The following GLI3 variants were observed in gnomAD, a reference collection of about 807,000 sequenced individuals.
GLI3 encodes the protein GLI family zinc finger 3.
A neutral mutation model predicts 100.8 loss-of-function variants in GLI3; 20 were observed. That is an observed-to-expected ratio of 0.20 (90% CI 0.14 to 0.29). The LOEUF (loss-of-function observed/expected upper bound fraction) is 0.29, where lower values mean the gene tolerates loss of function less well. GLI3 is among the 10% of genes least tolerant of loss of function. The probability of loss-of-function intolerance (pLI) is 1.00; values close to 1 mark genes in which losing one functional copy is unlikely to be tolerated. For missense variants in GLI3, 2,040 were observed against 2,128.5 expected (o/e 0.96, Z 0.82); for synonymous variants, 938 against 860.5 (o/e 1.09, Z -1.58).
At chr7:42,152,029 T>G in intron 2 of GLI3, 1 of 152,232 alleles carries the variant, frequency 6.6e-6, no homozygotes, top group Non-Finnish European at 1.5e-5. Flanking sequence ...CAGACAGACA[T>G]CTATCCGATT....
Position 41,967,617 on chromosome 7 carries a change from C to T in GLI3, c.2410G>A (p.Val804Ile). 6.2e-7 allele frequency: 1 copy of T among 1,613,356 alleles called. No individual in the cohort carries two copies. Among genetic ancestry groups the T allele is most frequent in the Non-Finnish European group, 8.5e-7 (1 of 1,179,562 alleles). The change falls in exon 14 of 15, where the codon GTC (valine) becomes ATC (isoleucine). Residue 804 changes from valine to isoleucine, a missense_variant. Val to Ile is a conservative substitution (Grantham distance 29, BLOSUM62 3). This residue lies in a region of GLI3 where 327 missense variants were observed against 338.7 expected (regional missense o/e 0.97). Transcript: ENST00000395925. Reference sequence around the variant, plus strand: ...TCACCATTTCCTATGAGAGGAGAGACCGCAGGGGCTTTAGGGGGTAGAATG... The same window carrying T: ...TCACCATTTCCTATGAGAGGAGAGATCGCAGGGGCTTTAGGGGGTAGAATG... Reference protein sequence around the residue: ...NPILPPKAPAVSPLIGNGTQS... With the variant: ...NPILPPKAPAISPLIGNGTQS...
chr7:42,000,477 G>A lies in GLI3; in HGVS notation c.1498-21729C>T, dbSNP rs900531479. ...TGTACACCTTGCACACAGGCCAAAA[G>A]CCCCCACAGTCATAGGAGGTCCACG... On this transcript the variant is annotated intron_variant, in intron 10 of 14. Transcript: ENST00000395925. Among the ~76,000 whole-genome samples the A allele has an allele frequency of 4.6e-5, 7 of 152,268 alleles. No individual in the cohort carries two copies. In the South Asian group the frequency reaches 8.3e-4, roughly 18 times the overall value.
intron 2 of GLI3, among the ~76,000 whole-genome samples, chr7:42,179,157 T>C (rs1787540843): frequency 6.6e-6 from 1 of 152,088 alleles, no homozygotes; most frequent in African/African-American, 2.4e-5. Context: ...ATCTGATGAT[T>C]TTTAAGAGGG....
At chr7:42,161,326 T>C (rs540148898) in intron 2 of GLI3, among the ~76,000 whole-genome samples, 13 of 152,356 alleles carry the variant, frequency 8.5e-5, no homozygotes, top group Admixed American at 3.3e-4. Flanking sequence ...TCATTCATTT[T>C]CATGTTGTCT....
intron 3 of GLI3, among the ~76,000 whole-genome samples, chr7:42,081,469 C>T (rs1379023532): frequency 3.3e-5 from 5 of 152,140 alleles, no homozygotes; most frequent in African/African-American, 4.8e-5. Context: ...AACTGAAATG[C>T]ATAGCAAAAA....
At chr7:42,113,274 A>G (rs529696772) in intron 3 of GLI3, 2 of 545,010 alleles carry the variant, frequency 3.7e-6, no homozygotes, top group African/African-American at 1.9e-5. Context: ...TGTGAAGAAG[A>G]AGAGGCGAGA....
chr7:41,965,862 C>T lies in GLI3; in HGVS notation c.3211G>A (p.Glu1071Lys), dbSNP rs1383387510. 3.1e-6 allele frequency: 5 copies of T among 1,613,740 alleles called. No homozygotes were observed. The East Asian group carries it at 6.7e-5, about 22-fold the overall frequency. The change falls in exon 15 of 15, where the codon GAG becomes AAG. Residue 1071 changes from glutamate to lysine, a missense_variant. This residue lies in a region of GLI3 where 1,041 missense variants were observed against 924.0 expected (regional missense o/e 1.13). Transcript: ENST00000395925. ...HSSPCPPSITENVTLESLTMD... is the reference protein window; with the variant it reads ...HSSPCPPSITKNVTLESLTMD... ...GTCAGGGACTCCAGGGTGACGTTCT[C>T]GGTGATGCTGGGAGGACAGGGGGAC... is the stretch of plus-strand genomic sequence containing the variant.
At chr7:42,238,819 C>T (rs1320168140), upstream of GLI3, among the ~76,000 whole-genome samples, 2 of 152,230 alleles carry the variant, frequency 1.3e-5, no homozygotes, top group African/African-American at 2.4e-5. Context: ...CCAACATCCC[C>T]TCTTTCTGGT....
intron 3 of GLI3, among the ~76,000 whole-genome samples, chr7:42,093,387 A>C (rs1353190130): frequency 6.6e-6 from 1 of 151,840 alleles, no homozygotes; most frequent in Admixed American, 6.6e-5. Flanking sequence ...CTCAAAAAAA[A>C]AAAAAAAAAA....
intron 6 of GLI3, 27 bp downstream of exon 6, chr7:42,045,357 A>G (rs1784224168): frequency 3.1e-6 from 5 of 1,607,804 alleles, no homozygotes; most frequent in Non-Finnish European, 1.7e-6. Context: ...ATTTCCCAAG[A>G]CTCTAGAAAC....
Position 42,184,126 on chromosome 7 carries a change from C to A in GLI3, c.125-35658G>T, listed in dbSNP as rs532727839. The stretch of plus-strand genomic sequence containing the variant: ...ATGGGATGAGCACATGCTAAGCACT[C>A]TCTAGGAGGTGCCCTCTCTAGAACG... On this transcript the variant is annotated intron_variant, in intron 2 of 14. Coordinates refer to ENST00000395925, the MANE Select transcript of GLI3 (RefSeq NM_000168.6). 2.3e-3 allele frequency among the ~76,000 whole-genome samples: 347 copies of A among 152,362 alleles called. 1 individual carries two copies. The highest frequency in any genetic ancestry group is 4.0e-3 in the Non-Finnish European group (272 of 68,032).
At chr7:42,148,133 GCGCACACACACACACACA>G (rs1562757733) in intron 3 of GLI3, 75 bp downstream of exon 3, 1 of 1,148,786 alleles carries the variant, frequency 8.7e-7, no homozygotes, top group African/African-American at 1.9e-5. Flanking sequence ...TTCATAAAGC[GCGCACACACACACACACA>G]CACACACACA....
At chr7:42,091,063 G>A (rs962547152) in intron 3 of GLI3, among the ~76,000 whole-genome samples, 2 of 152,208 alleles carry the variant, frequency 1.3e-5, no homozygotes, top group African/African-American at 2.4e-5. Context: ...CCTGTGGTCA[G>A]AAGGGCCCGA....
chr7:42,238,617 A>G (rs1788885038), upstream of GLI3, among the ~76,000 whole-genome samples: 1 of 152,140 alleles, frequency 6.6e-6, no homozygotes, highest in South Asian at 2.1e-4. Context: ...TTGAGCTACA[A>G]AGTGTCTCTG....
chr7:42,183,136 A>T (rs1023844669), intron 2 of GLI3, among the ~76,000 whole-genome samples: 1 of 152,116 alleles, frequency 6.6e-6, no homozygotes, highest in Non-Finnish European at 1.5e-5. Flanking sequence ...AGGCATGAGA[A>T]TCGCTTGAAC....
intron 2 of GLI3, among the ~76,000 whole-genome samples, chr7:42,167,870 C>T (rs1376366722): frequency 6.6e-6 from 1 of 152,150 alleles, no homozygotes; most frequent in African/African-American, 2.4e-5. Flanking sequence ...CTATTTAATT[C>T]TGCCAAAAGA....
intron 2 of GLI3, among the ~76,000 whole-genome samples, chr7:42,206,820 A>C (rs1788165367): frequency 6.6e-6 from 1 of 152,230 alleles, no homozygotes; most frequent in Non-Finnish European, 1.5e-5. Context: ...TGCAGGTATC[A>C]CTTCAAATCA....
chr7:42,129,343 T>C lies in GLI3; in HGVS notation c.367+18883A>G, dbSNP rs1473182143. 2.0e-5 allele frequency among the ~76,000 whole-genome samples: 3 copies of C among 152,154 alleles called. No individual in the cohort carries two copies. The East Asian group carries it at 5.8e-4, about 29-fold the overall frequency. On this transcript the variant is annotated intron_variant, in intron 3 of 14. Transcript: ENST00000395925. Reference sequence around the variant, plus strand: ...GGCAGTCTGGGTCTATGGGTGAAACTCTTAACACAGTCAAAGAAATACATA... The same window carrying C: ...GGCAGTCTGGGTCTATGGGTGAAACCCTTAACACAGTCAAAGAAATACATA...
At chr7:42,247,351 A>G (rs1421288158) in intron 1 of GLI3, among the ~76,000 whole-genome samples, 1 of 152,062 alleles carries the variant, frequency 6.6e-6, no homozygotes, top group Non-Finnish European at 1.5e-5. Flanking sequence ...CTTGTAACCC[A>G]AACACCACTG....
Sources: allele counts gnomAD v4.1 joint callset (sites outside exome capture counted in the v4.1 genomes callset), GRCh38; gene constraint gnomAD v4.1.1; regional missense constraint gnomAD v4.1.1; transcripts MANE v1.5; gene names NCBI Gene and HGNC (gene_info 2026-07-23, HGNC 2026-07-21).